CPNE4: variants seen among roughly 807,000 people sequenced by gnomAD.
The protein encoded by CPNE4 is copine 4.
Under a neutral mutation model 67.9 loss-of-function variants are expected in CPNE4, and 25 were observed. The observed-to-expected ratio is 0.37, with a 90% CI of 0.27 to 0.51. The LOEUF (loss-of-function observed/expected upper bound fraction) is 0.51. Among genes scored for constraint, CPNE4 ranks in the 20% least tolerant of loss-of-function variants. The pLI is 0.93. For synonymous variants in CPNE4, 242 were observed against 244.9 expected (o/e 0.99, Z 0.11); for missense variants, 464 against 690.8 (o/e 0.67, Z 3.68).
intron 3 of CPNE4, among the ~76,000 whole-genome samples, chr3:131,708,223 C>T (rs1011198091): frequency 6.6e-6 from 1 of 151,900 alleles, no homozygotes; most frequent in Non-Finnish European, 1.5e-5. Flanking sequence ...GGAAAAGCTC[C>T]TAGGGTCTGG....
At position 132,034,971 on chromosome 3, in the gene CPNE4, CG is replaced by C. The variant is rs751550991; in HGVS notation, c.-407del. On this transcript the variant is annotated 5_prime_UTR_variant, in exon 1 of 16. Coordinates refer to ENST00000429747, the MANE Select transcript of CPNE4 (RefSeq NM_130808.3). The stretch of plus-strand genomic sequence containing the variant: ...GAAAGAGAAGGGGACGAGCGGGTGG[CG>C]GGGAGATGGCAGCTTCTCACAGAGA... 1.5e-5 allele frequency: 15 copies of C among 985,510 alleles called. No homozygotes were observed. The East Asian group carries it at 4.5e-4, about 30-fold the overall frequency. The allele number at this position is 985,510 out of a possible 1,614,324, so 61.0% of individuals were successfully genotyped here. A position where few individuals can be genotyped will look rare whatever the true frequency, so the allele number is the denominator to read the frequency against.
At chr3:131,928,727 C>G (rs2070966636) in intron 1 of CPNE4, among the ~76,000 whole-genome samples, 1 of 152,212 alleles carries the variant, frequency 6.6e-6, no homozygotes, top group Non-Finnish European at 1.5e-5. Context: ...ACTGTGCTGT[C>G]CACACCCCAG....
chr3:131,865,175 G>A (rs1446283798), intron 2 of CPNE4, among the ~76,000 whole-genome samples: 1 of 151,598 alleles, frequency 6.6e-6, no homozygotes, highest in Admixed American at 6.6e-5. Context: ...CCTTTTTTTT[G>A]TTGTGTCTCT....
intron 1 of CPNE4, among the ~76,000 whole-genome samples, chr3:132,016,748 T>C (rs552418509): frequency 2.8e-4 from 43 of 152,268 alleles, no homozygotes; most frequent in African/African-American, 1.0e-3. Context: ...AACCCACCCA[T>C]CTCACAAATT....
At chr3:131,942,509 AGAGAG>A (rs2071431087) in intron 1 of CPNE4, among the ~76,000 whole-genome samples, 1 of 105,160 alleles carries the variant, frequency 9.5e-6, no homozygotes, top group African/African-American at 3.8e-5. Context: ...AGAGAGAGAG[AGAGAG>A]ATCATTTTAT....
chr3:131,658,572 C>T (rs1447063374), intron 7 of CPNE4, among the ~76,000 whole-genome samples: 1 of 152,106 alleles, frequency 6.6e-6, no homozygotes, highest in East Asian at 1.9e-4. Flanking sequence ...TTTGTGTGCT[C>T]CACACAAAGT....
At chr3:131,711,592 G>A (rs896056639) in intron 3 of CPNE4, among the ~76,000 whole-genome samples, 1 of 152,104 alleles carries the variant, frequency 6.6e-6, no homozygotes, top group African/African-American at 2.4e-5. Flanking sequence ...GCTGACCTGT[G>A]CTCACATGGG....
chr3:131,654,236 T>C (rs2079890580), intron 7 of CPNE4, among the ~76,000 whole-genome samples: 1 of 152,160 alleles, frequency 6.6e-6, no homozygotes, highest in Non-Finnish European at 1.5e-5. Flanking sequence ...AGCTATGGGC[T>C]TCCTCATCTA....
chr3:131,790,247 G>T (rs1427896463), intron 2 of CPNE4, among the ~76,000 whole-genome samples: 2 of 152,106 alleles, frequency 1.3e-5, no homozygotes, highest in African/African-American at 4.8e-5. Flanking sequence ...TTTAATGAAA[G>T]ACTATGCTAA....
chr3:131,639,666 C>T (rs2079488989), intron 7 of CPNE4, among the ~76,000 whole-genome samples: 1 of 152,090 alleles, frequency 6.6e-6, no homozygotes, highest in South Asian at 2.1e-4. Context: ...ATGACGCCAG[C>T]ATCGCCCTAA....
intron 2 of CPNE4, among the ~76,000 whole-genome samples, chr3:131,862,708 TA>T: frequency 6.7e-6 from 1 of 150,272 alleles, no homozygotes; most frequent in Non-Finnish European, 1.5e-5. Context: ...CTTATATATA[TA>T]TATATATTTT....
At chr3:131,795,515 T>A (rs530968768) in intron 2 of CPNE4, among the ~76,000 whole-genome samples, 1 of 152,262 alleles carries the variant, frequency 6.6e-6, no homozygotes, top group East Asian at 1.9e-4. Context: ...TTACAGAGAC[T>A]CTACCACTGA....
At chr3:131,971,437 C>T (rs983521189) in intron 1 of CPNE4, among the ~76,000 whole-genome samples, 5 of 152,134 alleles carry the variant, frequency 3.3e-5, no homozygotes, top group Admixed American at 2.0e-4. Context: ...TACCATAGAA[C>T]CACAATCTCT....
chr3:131,884,363 T>C (rs114893013), intron 2 of CPNE4, among the ~76,000 whole-genome samples: 3 of 152,230 alleles, frequency 2.0e-5, no homozygotes, highest in African/African-American at 4.8e-5. Context: ...AAGTAGTAGA[T>C]GGAGAGTGGA....
chr3:131,843,627 ATTG>A (rs1269417527), intron 2 of CPNE4, among the ~76,000 whole-genome samples: 2 of 152,112 alleles, frequency 1.3e-5, no homozygotes, highest in African/African-American at 4.8e-5. Context: ...TTATTTCTAG[ATTG>A]TTGTTTGAAA....
At chr3:131,943,158 G>T (rs182292930) in intron 1 of CPNE4, among the ~76,000 whole-genome samples, 70 of 152,260 alleles carry the variant, frequency 4.6e-4, no homozygotes, top group Admixed American at 4.4e-3. Flanking sequence ...GGTTAACATT[G>T]CCAGGAGGGT....
chr3:131,874,208 C>T (rs545612147), intron 2 of CPNE4, among the ~76,000 whole-genome samples: 22 of 152,058 alleles, frequency 1.4e-4, no homozygotes, highest in African/African-American at 4.3e-4. Flanking sequence ...CCTGCCTCAG[C>T]CCCCCGAGTA....
At chr3:131,957,695 G>A (rs2072018399) in intron 1 of CPNE4, among the ~76,000 whole-genome samples, 1 of 152,160 alleles carries the variant, frequency 6.6e-6, no homozygotes, top group South Asian at 2.1e-4. Context: ...AACTGTGGGA[G>A]GCATTTTTGC....
At chr3:131,870,502 AG>A (rs2087152635) in intron 2 of CPNE4, among the ~76,000 whole-genome samples, 1 of 152,160 alleles carries the variant, frequency 6.6e-6, no homozygotes, top group Non-Finnish European at 1.5e-5. Flanking sequence ...TTAGTGGGTG[AG>A]GGGATCAAAG....
Sources: gnomAD v4.1 joint callset for allele counts (sites outside exome capture counted in the v4.1 genomes callset) on GRCh38, gnomAD v4.1.1 for gene constraint, MANE v1.5 for transcripts, NCBI Gene and HGNC (gene_info 2026-07-23, HGNC 2026-07-21) for gene names.